ZNRF2: variants seen among roughly 807,000 people sequenced by gnomAD.
ZNRF2 encodes the protein E3 ubiquitin-protein ligase ZNRF2.
ZNRF2 carries 16 observed loss-of-function variants against 20.4 expected under a neutral mutation model. The observed-to-expected ratio is 0.79, with a 90% CI of 0.53 to 1.19. ZNRF2 has a LOEUF of 1.19. Among genes scored for constraint, ZNRF2 ranks in the 50% most tolerant of loss-of-function variants. ZNRF2 has a pLI of 0.00. For synonymous variants in ZNRF2, 178 were observed against 144.9 expected (o/e 1.23, Z -1.64); for missense variants, 363 against 332.4 (o/e 1.09, Z -0.72).
intron 2 of ZNRF2, among the ~76,000 whole-genome samples, chr7:30,338,306 A>G (rs1220536330): frequency 1.3e-5 from 2 of 149,620 alleles, no homozygotes; most frequent in Non-Finnish European, 3.0e-5. Flanking sequence ...AAGTTCTGGG[A>G]TACATGTGCA....
At chr7:30,339,613 A>G (rs866817092) in intron 2 of ZNRF2, among the ~76,000 whole-genome samples, 4 of 152,052 alleles carry the variant, frequency 2.6e-5, no homozygotes, top group Middle Eastern at 3.4e-3. Flanking sequence ...GTTCTGTTCC[A>G]TTGCTCTATA....
intron 4 of ZNRF2, among the ~76,000 whole-genome samples, chr7:30,364,507 A>G (rs1309781899): frequency 6.6e-6 from 1 of 152,148 alleles, no homozygotes; most frequent in Non-Finnish European, 1.5e-5. Context: ...TAAAATGTGA[A>G]TGGAAGTAAG....
intron 1 of ZNRF2, among the ~76,000 whole-genome samples, chr7:30,291,810 C>T (rs1798916189): frequency 6.6e-6 from 1 of 152,146 alleles, no homozygotes; most frequent in African/African-American, 2.4e-5. Flanking sequence ...GATAAGATTA[C>T]TAAGGGATGA....
chr7:30,352,528 T>C (rs140961023), intron 2 of ZNRF2, among the ~76,000 whole-genome samples: 364 of 152,196 alleles, frequency 2.4e-3, no homozygotes, highest in African/African-American at 8.2e-3. Flanking sequence ...CATTTAACTT[T>C]TACTACTCTA....
intron 2 of ZNRF2, among the ~76,000 whole-genome samples, chr7:30,344,408 A>T (rs895927446): frequency 9.2e-5 from 14 of 152,004 alleles, no homozygotes; most frequent in Non-Finnish European, 1.8e-4. Flanking sequence ...CAATAATGAA[A>T]TTAGTGTATT....
intron 1 of ZNRF2, among the ~76,000 whole-genome samples, chr7:30,312,533 G>A (rs1005385540): frequency 2.0e-5 from 3 of 151,906 alleles, no homozygotes; most frequent in South Asian, 2.1e-4. Flanking sequence ...TTCAAATCTG[G>A]GCAAGAAGCA....
chr7:30,292,285 A>G (rs1385032596), intron 1 of ZNRF2, among the ~76,000 whole-genome samples: 4 of 152,332 alleles, frequency 2.6e-5, no homozygotes, highest in Admixed American at 1.3e-4. Context: ...TGGGTTACAT[A>G]TTCTTTGATA....
chr7:30,360,776 A>G (rs533362377), intron 3 of ZNRF2, among the ~76,000 whole-genome samples: 6 of 152,236 alleles, frequency 3.9e-5, no homozygotes, highest in Non-Finnish European at 8.8e-5. Context: ...AGCAAGTTAC[A>G]AAAAGCATAA....
At chr7:30,351,403 A>C (rs1412378386) in intron 2 of ZNRF2, among the ~76,000 whole-genome samples, 2 of 152,052 alleles carry the variant, frequency 1.3e-5, no homozygotes, top group African/African-American at 4.8e-5. Flanking sequence ...ATCACCGTCC[A>C]TAGTTCTATT....
chr7:30,309,279 T>G (rs1449571611), intron 1 of ZNRF2, among the ~76,000 whole-genome samples: 1 of 152,174 alleles, frequency 6.6e-6, no homozygotes, highest in Non-Finnish European at 1.5e-5. Flanking sequence ...ATACTGAATA[T>G]TTTCTGTTTC....
chr7:30,358,500 T>G (rs1468642017), intron 3 of ZNRF2, among the ~76,000 whole-genome samples: 1 of 152,082 alleles, frequency 6.6e-6, no homozygotes, highest in Non-Finnish European at 1.5e-5. Flanking sequence ...TTGATCTATA[T>G]AGTTAATACT....
intron 2 of ZNRF2, among the ~76,000 whole-genome samples, chr7:30,325,098 A>G (rs1420268442): frequency 2.0e-5 from 3 of 152,208 alleles, no homozygotes; most frequent in Non-Finnish European, 4.4e-5. Context: ...AAGATTTTAA[A>G]TGTAGCCTTG....
chr7:30,314,930 C>T (rs987880388), intron 1 of ZNRF2, among the ~76,000 whole-genome samples: 4 of 152,012 alleles, frequency 2.6e-5, no homozygotes, highest in Non-Finnish European at 5.9e-5. Context: ...CATTCTCCTG[C>T]CTCAGCCTCC....
chr7:30,319,433 C>G (rs1022436505), intron 1 of ZNRF2, among the ~76,000 whole-genome samples: 4 of 152,140 alleles, frequency 2.6e-5, no homozygotes, highest in African/African-American at 9.7e-5. Flanking sequence ...GGGAAGAAGT[C>G]AGGCCTGGAG....
chr7:30,302,041 C>T (rs752783147), intron 1 of ZNRF2, among the ~76,000 whole-genome samples: 3 of 152,192 alleles, frequency 2.0e-5, no homozygotes, highest in Non-Finnish European at 4.4e-5. Flanking sequence ...AACACTGATA[C>T]GCTTACTTCA....
intron 2 of ZNRF2, among the ~76,000 whole-genome samples, chr7:30,329,502 A>C (rs576660511): frequency 6.6e-6 from 1 of 151,928 alleles, no homozygotes; most frequent in Non-Finnish European, 1.5e-5. Flanking sequence ...CCATGAGATC[A>C]GTTTTGTTTT....
chr7:30,360,605 T>G (rs1800111999), intron 3 of ZNRF2, among the ~76,000 whole-genome samples: 1 of 151,920 alleles, frequency 6.6e-6, no homozygotes, highest in Admixed American at 6.6e-5. Context: ...GGCAGGAGAA[T>G]TGCTTGAACC....
rs138289964 is a variant in ZNRF2 at position 30,309,520 on chromosome 7, C to CT, written c.470-14118dup. 7.2e-5 allele frequency among the ~76,000 whole-genome samples: 11 copies of CT among 152,272 alleles called. No individual in the cohort carries two copies. The East Asian group carries it at 2.1e-3, about 29-fold the overall frequency. On this transcript the variant is annotated intron_variant, in intron 1 of 4. Transcript: ENST00000323037. ...CATACAAACTTTCACATCTGTCAAC[C>CT]TTTTGCTGTGGTATTGTGCAGAGTT... is the stretch of plus-strand genomic sequence containing the variant.
chr7:30,324,576 C>A (rs1198301386), intron 2 of ZNRF2, among the ~76,000 whole-genome samples: 2 of 144,438 alleles, frequency 1.4e-5, no homozygotes, highest in East Asian at 3.9e-4. Context: ...AAAACAAAAA[C>A]AAACAAACAA....
Sources: gnomAD v4.1 joint callset for allele counts (sites outside exome capture counted in the v4.1 genomes callset) on GRCh38, gnomAD v4.1.1 for gene constraint, MANE v1.5 for transcripts, NCBI Gene and HGNC (gene_info 2026-07-23, HGNC 2026-07-21) for gene names.